Variants in ARL10 observed in about 807,000 individuals in gnomAD.
ARL10 encodes the protein ARF like GTPase 10.
A neutral mutation model predicts 26.1 loss-of-function variants in ARL10; 23 were observed. The ratio of observed to expected loss-of-function variants is 0.88; its 90% CI spans 0.63 to 1.25. ARL10 has a LOEUF of 1.25. Ranked by LOEUF, ARL10 falls within the 50% of genes most tolerant of loss-of-function variation. The pLI is 0.00. For missense variants in ARL10, 300 were observed against 323.6 expected (o/e 0.93, Z 0.56); for synonymous variants, 138 against 149.1 (o/e 0.93, Z 0.54).
At chr5:176,405,991 C>T (rs1024975698), downstream of ARL10, among the ~76,000 whole-genome samples, 1 of 152,046 alleles carries the variant, frequency 6.6e-6, no homozygotes, top group Non-Finnish European at 1.5e-5. Flanking sequence ...CCTCCGTGCA[C>T]CATGACCAGG....
chr5:176,385,248 CA>C, downstream of ARL10: 7 of 1,610,282 alleles, frequency 4.3e-6, no homozygotes, highest in Non-Finnish European at 5.1e-6. Flanking sequence ...GGTTCTCTAC[CA>C]TGTAGCGTAC....
chr5:176,401,040 T>G (rs190735568), intron 1 of ARL10, among the ~76,000 whole-genome samples: 1 of 152,264 alleles, frequency 6.6e-6, no homozygotes, highest in Admixed American at 6.5e-5. Context: ...GCGCCACCCT[T>G]ACTCCTCTCC....
downstream of ARL10, among the ~76,000 whole-genome samples, chr5:176,389,990 C>T (rs1419576682): frequency 1.3e-5 from 2 of 151,996 alleles, no homozygotes; most frequent in Admixed American, 6.6e-5. Flanking sequence ...CAAGACCAGC[C>T]TGACCAACAT....
intron 1 of ARL10, chr5:176,397,889 C>T (rs1756625052): frequency 1.3e-6 from 2 of 1,574,104 alleles, no homozygotes; most frequent in Non-Finnish European, 1.7e-6. Flanking sequence ...CCACCCCACA[C>T]ACAGCCCACC....
Position 176,373,904 on chromosome 5 carries a change from G to C in ARL10, c.*2009G>C, listed in dbSNP as rs910867437. On this transcript the variant is annotated 3_prime_UTR_variant, in exon 4 of 4. Transcript: ENST00000310389. ...AACTTTAACGAAGTTTAAAAAGTATGTTCTGTTTTTGAGCAGAAAAAAGAT... is the reference window on the plus strand; with the variant it reads ...AACTTTAACGAAGTTTAAAAAGTATCTTCTGTTTTTGAGCAGAAAAAAGAT... 6 of 152,216 alleles carry C rather than the reference G, an allele frequency of 3.9e-5. No homozygotes were observed. Among genetic ancestry groups the C allele is most frequent in the Non-Finnish European group, 7.3e-5 (5 of 68,040 alleles). The allele number at this position is 152,216 out of a possible 1,614,324, so 9.4% of individuals were successfully genotyped here. A position where few individuals can be genotyped will look rare whatever the true frequency, so the allele number is the denominator to read the frequency against.
chr5:176,404,022 T>C (rs1293257373), downstream of ARL10, among the ~76,000 whole-genome samples: 1 of 152,230 alleles, frequency 6.6e-6, no homozygotes, highest in Admixed American at 6.5e-5. Context: ...CCCAAAGTGC[T>C]GGGATTACAG....
chr5:176,366,735 C>T (rs377357123), intron 2 of ARL10, among the ~76,000 whole-genome samples, 154 bp downstream of exon 2: 31 of 152,298 alleles, frequency 2.0e-4, no homozygotes, highest in South Asian at 1.9e-3. Context: ...ATTCAGCCCA[C>T]GCTCTGTGCT....
chr5:176,401,868 A>G (rs1756837018), downstream of ARL10: 2 of 436,806 alleles, frequency 4.6e-6, no homozygotes, highest in African/African-American at 4.0e-5. Context: ...CTGTCATCAC[A>G]ATCTCTAAAA....
In ARL10 at chr5:176,375,191, T is replaced by TCCAC. The variant is rs1561775843; in HGVS notation, c.*3299_*3300insCCCA. 8.4e-4 allele frequency: 52 copies of TCCAC among 61,722 alleles called. No individual in the cohort carries two copies. Among genetic ancestry groups the TCCAC allele is most frequent in the African/African-American group, 3.1e-3 (50 of 16,014 alleles). 3.8% of individuals were successfully genotyped at this position (61,722 alleles called of 1,614,324 possible). ...ACCCACCCACCCACCCATCCACCCA[T>TCCAC]CCATCCATCCATCCACTCATCCACC... On this transcript the variant is annotated 3_prime_UTR_variant, in exon 4 of 4. Transcript: ENST00000310389.
rs910214445 is a variant in ARL10, at chr5:176,379,169, G to A, written c.*7274G>A. 3.9e-5 allele frequency: 6 copies of A among 152,024 alleles called. No individual in the cohort carries two copies. The highest frequency in any genetic ancestry group is 1.4e-4 in the African/African-American group (6 of 41,392). The allele number at this position is 152,024 out of a possible 1,614,324, so 9.4% of individuals were successfully genotyped here. On this transcript the variant is annotated 3_prime_UTR_variant, in exon 4 of 4. Transcript: ENST00000310389. Reference sequence around the variant, plus strand: ...ACTATGTTCTTTTTTATGTATGTATGTATGTATTTATTTTTTGAGATGGAG... The same window carrying A: ...ACTATGTTCTTTTTTATGTATGTATATATGTATTTATTTTTTGAGATGGAG...
At chr5:176,410,138 A>T in the ARL10 span, 1 of 855,936 alleles carries the variant, frequency 1.2e-6, no homozygotes, top group Non-Finnish European at 1.9e-6. Context: ...TTTCCACCCC[A>T]ATGCATCAGA....
At chr5:176,412,975 C>T in the ARL10 span, among the ~76,000 whole-genome samples, 1 of 151,258 alleles carries the variant, frequency 6.6e-6, no homozygotes, top group Non-Finnish European at 1.5e-5. Flanking sequence ...CCTGACCAAC[C>T]CCAGTCTCAG....
intron 1 of ARL10, among the ~76,000 whole-genome samples, chr5:176,400,752 T>C (rs935653922): frequency 6.6e-6 from 1 of 152,188 alleles, no homozygotes; most frequent in Non-Finnish European, 1.5e-5. Context: ...CCCGCGTTGT[T>C]TGACATCTTC....
chr5:176,397,575 A>AC (rs774748259), intron 1 of ARL10: 1 of 571,048 alleles, frequency 1.8e-6, no homozygotes, highest in Non-Finnish European at 2.5e-6. Flanking sequence ...TCATGTCCCC[A>AC]TGGCCCCCTC....
At chr5:176,409,406 CTTTTTTTTT>C in the ARL10 span, among the ~76,000 whole-genome samples, 4 of 79,658 alleles carry the variant, frequency 5.0e-5, no homozygotes, top group South Asian at 1.9e-3. Flanking sequence ...TCTGATTGCC[CTTTTTTTTT>C]TTTTTTTTTT....
In ARL10 at chr5:176,372,829, T is replaced by G. The variant is rs977432602; in HGVS notation, c.*934T>G. 5 of 398,390 alleles carry G rather than the reference T, an allele frequency of 1.3e-5. No homozygotes were observed. The highest frequency in any genetic ancestry group is 2.2e-5 in the Non-Finnish European group (5 of 226,012). The allele number at this position is 398,390 out of a possible 1,614,324, so 24.7% of individuals were successfully genotyped here. On this transcript the variant is annotated 3_prime_UTR_variant, in exon 4 of 4. Coordinates refer to ENST00000310389, the MANE Select transcript of ARL10 (RefSeq NM_173664.6). ...AATTTATAAGCAGAACAGGCCAGAGTTCTAGGCTCTGTTTCTAGGTGCTGT... is the reference window on the plus strand; with the variant it reads ...AATTTATAAGCAGAACAGGCCAGAGGTCTAGGCTCTGTTTCTAGGTGCTGT...
In ARL10 at chr5:176,368,114, G is replaced by GGTTT. The variant is rs1188522222; in HGVS notation, c.386-693_386-692insGTTT. 2 of 481,782 alleles carry GGTTT rather than the reference G, an allele frequency of 4.2e-6. No homozygotes were observed. Among genetic ancestry groups the GGTTT allele is most frequent in the Non-Finnish European group, 8.4e-6 (2 of 239,378 alleles). 29.8% of individuals were successfully genotyped at this position (481,782 alleles called of 1,614,324 possible). A position where few individuals can be genotyped will look rare whatever the true frequency, so the allele number is the denominator to read the frequency against. Reference sequence around the variant, plus strand: ...CAGAAACATAGCCAGAAACACTAGGGTGCGGGGTGACCAATGGGACTGTGC... The same window carrying GGTTT: ...CAGAAACATAGCCAGAAACACTAGGGGTTTTGCGGGGTGACCAATGGGACTGTGC... On this transcript the variant is annotated intron_variant, in intron 2 of 3. Transcript: ENST00000310389. The surrounding 1 kb of genome is among the most constrained non-coding windows in gnomAD (Gnocchi z 4.1).
At chr5:176,388,612 C>G in exon 2 of ARL10, 3 of 1,449,710 alleles carry the variant, frequency 2.1e-6, no homozygotes, top group South Asian at 1.2e-5. Flanking sequence ...AAACTCCTTC[C>G]GGAAGGCGTG....
rs984097219 is a variant in ARL10, at chr5:176,377,243, C to A, written c.*5348C>A. ...TTTGGCCAAGATAATCCAATCGATT[C>A]AGTTAATTTTGCCAATTTTAGTTTT... is the stretch of plus-strand genomic sequence containing the variant. On this transcript the variant is annotated 3_prime_UTR_variant, in exon 4 of 4. Coordinates refer to ENST00000310389, the MANE Select transcript of ARL10 (RefSeq NM_173664.6). The surrounding 1 kb of genome is among the most constrained non-coding windows in gnomAD (Gnocchi z 4.5). 1 of 152,150 alleles carries A rather than the reference C, an allele frequency of 6.6e-6. No homozygotes were observed. The highest frequency in any genetic ancestry group is 2.4e-5 in the African/African-American group (1 of 41,446). The allele number at this position is 152,150 out of a possible 1,614,324, so 9.4% of individuals were successfully genotyped here.
Sources: allele counts gnomAD v4.1 joint callset (sites outside exome capture counted in the v4.1 genomes callset), GRCh38; gene constraint gnomAD v4.1.1; non-coding constraint Gnocchi (gnomAD v3.1); transcripts MANE v1.5; gene names NCBI Gene and HGNC (gene_info 2026-07-23, HGNC 2026-07-21).